NDRG2: variants seen among roughly 807,000 people sequenced by gnomAD.
NDRG2 encodes NDRG family member 2.
A neutral mutation model predicts 58.2 loss-of-function variants in NDRG2; 34 were observed. That is an observed-to-expected ratio of 0.58 (90% confidence interval 0.44 to 0.78). The LOEUF is 0.78. Among genes scored for constraint, NDRG2 ranks in the 30% least tolerant of loss-of-function variants. NDRG2 has a pLI of 0.00. For missense variants in NDRG2, 434 were observed against 471.2 expected (o/e 0.92, Z 0.73); for synonymous variants, 187 against 175.9 (o/e 1.06, Z -0.50).
intron 9 of NDRG2, 55 bp downstream of exon 9, chr14:21,019,865 A>G (rs955369914): frequency 6.3e-7 from 1 of 1,591,136 alleles, no homozygotes; most frequent in African/African-American, 1.3e-5. Flanking sequence ...TAGCCCAAGC[A>G]TTCAAGTTCC....
At chr14:21,025,675 A>G (rs1401036544), upstream of NDRG2, 31 of 980,094 alleles carry the variant, frequency 3.2e-5, no homozygotes, top group Non-Finnish European at 3.7e-5. The surrounding 1 kb of genome is among the most constrained non-coding windows in gnomAD (Gnocchi z 5.1). Context: ...GAGTCCTGGT[A>G]CCTCTCCTCT....
chr14:21,017,750 C>A lies in NDRG2; in HGVS notation c.962G>T (p.Cys321Phe), dbSNP rs766283302. The A allele has an allele frequency of 6.3e-7, 1 of 1,599,840 alleles. No individual in the cohort carries two copies. Among genetic ancestry groups the A allele is most frequent in the Admixed American group, 1.7e-5 (1 of 57,330 alleles). The change falls in exon 16 of 16, where the codon TGC (cysteine) becomes TTC (phenylalanine). Residue 321 changes from cysteine (C) to phenylalanine (F), a missense_variant. By Grantham distance (205) the Cys-to-Phe change is radical (BLOSUM62 -2). Coordinates refer to ENST00000556147, the MANE Select transcript of NDRG2 (RefSeq NM_001320329.2). The stretch of plus-strand genomic sequence containing the variant: ...ACGAGACCGGGACAGGCGAGTCATG[C>A]AGGATGAGGCCACTGTGGAGACAGC... ...LQGMGYMASS[C>F]MTRLSRSRTA...
intron 1 of NDRG2, among the ~76,000 whole-genome samples, chr14:21,031,520 C>T (rs561582057): frequency 6.6e-6 from 1 of 152,332 alleles, no homozygotes; most frequent in Non-Finnish European, 1.5e-5. Context: ...TCCTGCCTCT[C>T]ACCTACTCCC....
At chr14:21,018,404 C>A in intron 13 of NDRG2, 53 bp downstream of exon 13, 1 of 1,611,362 alleles carries the variant, frequency 6.2e-7, no homozygotes, top group Non-Finnish European at 8.5e-7. Flanking sequence ...TTAGCAGCTG[C>A]ATGTAGAGAG....
chr14:21,063,286 T>C (rs1044467245), intron 1 of NDRG2, among the ~76,000 whole-genome samples: 2 of 152,198 alleles, frequency 1.3e-5, no homozygotes, highest in African/African-American at 4.8e-5. Context: ...AGTAAAGTTC[T>C]GTTAATGGAA....
intron 1 of NDRG2, 180 bp from the exon 2 acceptor site, chr14:21,023,501 G>A (rs1336535263): frequency 8.3e-6 from 5 of 601,716 alleles, no homozygotes; most frequent in South Asian, 4.0e-5. Flanking sequence ...AGGCTGATCG[G>A]TGGAAGCTTT....
At chr14:21,058,580 C>A in intron 1 of NDRG2, 1 of 544,598 alleles carries the variant, frequency 1.8e-6, no homozygotes, top group Non-Finnish European at 3.3e-6. Context: ...TACTTTGCAG[C>A]CCTTCCAGAG....
Position 21,016,973 on chromosome 14 carries a change from C to A in NDRG2, c.*623G>T, listed in dbSNP as rs1336602778. On this transcript the variant is annotated 3_prime_UTR_variant, in exon 16 of 16. Coordinates refer to ENST00000556147, the MANE Select transcript of NDRG2 (RefSeq NM_001320329.2). ...AGCTACCAAAGTTAGTGCAGCCAAA[C>A]GGCCCCAGGCCCCTTCCTGTTGCCC... 4.4e-6 allele frequency: 2 copies of A among 456,590 alleles called. No homozygotes were observed. The highest frequency in any genetic ancestry group is 8.8e-6 in the Non-Finnish European group (2 of 226,798). 28.3% of individuals were successfully genotyped at this position (456,590 alleles called of 1,614,324 possible). A position where few individuals can be genotyped will look rare whatever the true frequency, so the allele number is the denominator to read the frequency against.
At chr14:21,045,334 G>C (rs896468532) in intron 1 of NDRG2, among the ~76,000 whole-genome samples, 1 of 152,146 alleles carries the variant, frequency 6.6e-6, no homozygotes, top group African/African-American at 2.4e-5. Context: ...CCAATAAGTG[G>C]ATGAGTTGGT....
intron 3 of NDRG2, 157 bp from the exon 4 acceptor site, chr14:21,022,654 C>A: frequency 1.5e-6 from 1 of 670,314 alleles, no homozygotes; most frequent in Non-Finnish European, 2.5e-6. Flanking sequence ...AACATGATAC[C>A]GGAAGATGAG....
chr14:21,031,352 A>G (rs552298846), intron 1 of NDRG2: 212 of 660,148 alleles, frequency 3.2e-4, no homozygotes, highest in Non-Finnish European at 4.4e-4. Context: ...CCCAAGGTCC[A>G]TGGCTATTTT....
intron 1 of NDRG2, chr14:21,058,605 T>C (rs898278755): frequency 3.9e-6 from 2 of 518,478 alleles, no homozygotes; most frequent in Admixed American, 7.1e-5. Flanking sequence ...GCACTCAGGA[T>C]CCCCACAAGG....
At position 21,017,383 on chromosome 14, in the gene NDRG2, T is replaced by A; in HGVS notation, c.*213A>T. On this transcript the variant is annotated 3_prime_UTR_variant, in exon 16 of 16. Transcript: ENST00000556147. ...GAGGAGGAGAATTTAGGGGTCTGGG[T>A]CCCTAAGAGATATTAGGACATCTCT... 1 of 615,700 alleles carries A rather than the reference T, an allele frequency of 1.6e-6. No individual in the cohort carries two copies. Among genetic ancestry groups the A allele is most frequent in the Non-Finnish European group, 2.8e-6 (1 of 353,884 alleles). 38.1% of individuals were successfully genotyped at this position (615,700 alleles called of 1,614,324 possible).
chr14:21,021,085 A>C, intron 6 of NDRG2: 1 of 650,852 alleles, frequency 1.5e-6, no homozygotes, highest in Non-Finnish European at 2.8e-6. Context: ...GTGTCTTAAA[A>C]ACAAACACCC....
rs890074762 is a variant in NDRG2 at position 21,024,946 on chromosome 14, G to C, written c.-923C>G. The C allele has an allele frequency of 3.8e-5, 37 of 985,626 alleles. No individual in the cohort carries two copies. The African/African-American group carries it at 6.1e-4, about 16-fold the overall frequency. 61.1% of individuals were successfully genotyped at this position (985,626 alleles called of 1,614,324 possible). ...CCTTTCCCCCGAGCCTCCAGCTCCA[G>C]GGGACGCGGATCAATCACACCGCCC... is the stretch of plus-strand genomic sequence containing the variant. On this transcript the variant is annotated 5_prime_UTR_variant, in exon 1 of 16. Coordinates refer to ENST00000556147, the MANE Select transcript of NDRG2 (RefSeq NM_001320329.2).
chr14:21,069,782 G>A (rs561169949), intron 1 of NDRG2, among the ~76,000 whole-genome samples: 1 of 152,332 alleles, frequency 6.6e-6, no homozygotes, highest in Non-Finnish European at 1.5e-5. Context: ...GCAGGCAGGG[G>A]CCTGAAGGTC....
intron 1 of NDRG2, among the ~76,000 whole-genome samples, chr14:21,052,002 TCTA>T (rs1196832286): frequency 6.6e-6 from 1 of 152,152 alleles, no homozygotes; most frequent in East Asian, 1.9e-4. Flanking sequence ...ACCTTCAGAG[TCTA>T]CTATTAGGCC....
At chr14:21,023,864 TA>T in intron 1 of NDRG2, 165 bp downstream of exon 1, 3 of 629,234 alleles carry the variant, frequency 4.8e-6, no homozygotes, top group Non-Finnish European at 6.0e-6. Context: ...GAAAACAACA[TA>T]AAAGGGACAT....
At chr14:21,056,912 G>A (rs1885699506) in intron 1 of NDRG2, among the ~76,000 whole-genome samples, 1 of 152,120 alleles carries the variant, frequency 6.6e-6, no homozygotes, top group Non-Finnish European at 1.5e-5. Context: ...TCTCCAGCAG[G>A]GCAAAATGTC....
Sources: allele counts gnomAD v4.1 joint callset (sites outside exome capture counted in the v4.1 genomes callset), GRCh38; gene constraint gnomAD v4.1.1; non-coding constraint Gnocchi (gnomAD v3.1); transcripts MANE v1.5; gene names NCBI Gene and HGNC (gene_info 2026-07-23, HGNC 2026-07-21).